The following CLMN variants were observed in gnomAD, a reference collection of about 807,000 sequenced individuals.
CLMN encodes calmin.
A neutral mutation model predicts 92.7 loss-of-function variants in CLMN; 57 were observed. The observed-to-expected ratio is 0.61, with a 90% confidence interval of 0.50 to 0.77. The LOEUF is 0.77. Ranked by LOEUF, CLMN falls within the 30% of genes least tolerant of loss-of-function variation. CLMN has a pLI of 0.00. For synonymous variants in CLMN, 466 were observed against 470.6 expected (o/e 0.99, Z 0.13); for missense variants, 1,158 against 1,237.5 (o/e 0.94, Z 0.96).
intron 1 of CLMN, among the ~76,000 whole-genome samples, chr14:95,312,214 T>C (rs1432117745): frequency 6.6e-6 from 1 of 152,166 alleles, no homozygotes; most frequent in Non-Finnish European, 1.5e-5. Flanking sequence ...AACCTCACCA[T>C]AACCCTATCC....
rs1444135118 is a variant in CLMN at position 95,204,146 on chromosome 14, T to C, written c.1203A>G (p.Pro401=). 1.2e-6 allele frequency: 2 copies of C among 1,614,068 alleles called. No homozygotes were observed. Among genetic ancestry groups the C allele is most frequent in the Admixed American group, 1.7e-5 (1 of 59,994 alleles). ...ATGATAAAATGGAGGATTCTGGAGATGGCTCACTGATGTCGCTGGTCTTAC... is the reference window on the plus strand; with the variant it reads ...ATGATAAAATGGAGGATTCTGGAGACGGCTCACTGATGTCGCTGGTCTTAC... The part of the protein sequence containing the change: ...GPGKTSDISE[P]SPESSILSSR... Residue 401 remains proline (P), a synonymous_variant, in exon 9 of 13, where the codon CCA becomes CCG. Transcript: ENST00000298912.
chr14:95,263,706 T>A (rs1381494852), intron 1 of CLMN, among the ~76,000 whole-genome samples: 1 of 152,186 alleles, frequency 6.6e-6, no homozygotes, highest in Non-Finnish European at 1.5e-5. Context: ...GCCAAAGAGA[T>A]GAGGTGGGGG....
intron 1 of CLMN, among the ~76,000 whole-genome samples, chr14:95,277,747 C>T (rs1415156942): frequency 6.6e-6 from 1 of 152,238 alleles, no homozygotes; most frequent in African/African-American, 2.4e-5. Flanking sequence ...CCTGTCTCAG[C>T]CTCCAGAGTA....
chr14:95,228,820 ATG>A (rs1897792672), intron 2 of CLMN, among the ~76,000 whole-genome samples: 3 of 152,168 alleles, frequency 2.0e-5, no homozygotes, highest in Non-Finnish European at 4.4e-5. Context: ...GACTACGGGC[ATG>A]AGCCACCACG....
intron 9 of CLMN, among the ~76,000 whole-genome samples, chr14:95,199,605 T>G (rs1045818416): frequency 6.6e-6 from 1 of 152,124 alleles, no homozygotes; most frequent in African/African-American, 2.4e-5. Context: ...CAAAGATCAA[T>G]ACACAAATGT....
intron 1 of CLMN, among the ~76,000 whole-genome samples, chr14:95,243,461 C>T (rs1898336369): frequency 6.6e-6 from 1 of 152,168 alleles, no homozygotes; most frequent in African/African-American, 2.4e-5. Context: ...TTTGGGCAAC[C>T]ATGCTTTTAA....
intron 1 of CLMN, among the ~76,000 whole-genome samples, chr14:95,263,654 C>A (rs1899350771): frequency 6.6e-6 from 1 of 152,192 alleles, no homozygotes; most frequent in Non-Finnish European, 1.5e-5. Flanking sequence ...CTGGATGTTC[C>A]AGCTGGAAGG....
intron 1 of CLMN, 62 bp downstream of exon 1, chr14:95,319,649 G>T (rs1901957475): frequency 7.3e-7 from 1 of 1,378,290 alleles, no homozygotes; most frequent in Non-Finnish European, 9.9e-7. Context: ...GCCAAGTGTC[G>T]GAGCGGCGCC....
At chr14:95,216,697 T>C (rs1281624514) in intron 4 of CLMN, among the ~76,000 whole-genome samples, 1 of 152,234 alleles carries the variant, frequency 6.6e-6, no homozygotes, top group Non-Finnish European at 1.5e-5. Flanking sequence ...AAGATCCCAC[T>C]GATTAGTTAA....
chr14:95,208,244 C>T (rs1299407584), intron 8 of CLMN, among the ~76,000 whole-genome samples: 1 of 152,180 alleles, frequency 6.6e-6, no homozygotes, highest in African/African-American at 2.4e-5. Flanking sequence ...GGACCTCAGC[C>T]ATCTAGTTTA....
At chr14:95,222,442 A>G in intron 3 of CLMN, 1 of 395,998 alleles carries the variant, frequency 2.5e-6, no homozygotes, top group Non-Finnish European at 5.1e-6. Context: ...AGGTTGGGGG[A>G]AGATGGCATT....
At chr14:95,267,812 T>C (rs1174843332) in intron 1 of CLMN, among the ~76,000 whole-genome samples, 2 of 152,324 alleles carry the variant, frequency 1.3e-5, no homozygotes, top group South Asian at 4.1e-4. Context: ...AAATGTGCTA[T>C]ATATACACAC....
At position 95,215,647 on chromosome 14, in the gene CLMN, GA is replaced by G; in HGVS notation, c.410del (p.Phe137SerfsTer47). The G allele has an allele frequency of 6.2e-7, 1 of 1,613,054 alleles. No homozygotes were observed. Among genetic ancestry groups the G allele is most frequent in the East Asian group, 2.2e-5 (1 of 44,884 alleles). On this transcript the variant is annotated frameshift_variant, in exon 5 of 13. Transcript: ENST00000298912. LOFTEE classifies it high-confidence loss of function. ...GGAAAAGAAATGATCTTACCTGGAAGAAGAGGATTATGTTCCATATCAGCCC... is the reference window on the plus strand; with the variant it reads ...GGAAAAGAAATGATCTTACCTGGAAGAGAGGATTATGTTCCATATCAGCCC... ...VLGLIWNIIL[F>X]FQIKELTGNL... is the part of the protein sequence containing the mutation.
chr14:95,207,643 A>G (rs79939221), intron 8 of CLMN, among the ~76,000 whole-genome samples: 6,729 of 152,304 alleles, frequency 0.044, 208 homozygotes, highest in Middle Eastern at 0.092. Flanking sequence ...ATAGATACAC[A>G]TTCAATATAG....
At chr14:95,257,172 C>A (rs1250090415) in intron 1 of CLMN, among the ~76,000 whole-genome samples, 1 of 152,112 alleles carries the variant, frequency 6.6e-6, no homozygotes, top group Non-Finnish European at 1.5e-5. Flanking sequence ...GACGTTTGCA[C>A]GAGTTAAGTC....
At chr14:95,316,327 G>A (rs771161495) in intron 1 of CLMN, among the ~76,000 whole-genome samples, 1 of 152,262 alleles carries the variant, frequency 6.6e-6, no homozygotes, top group Non-Finnish European at 1.5e-5. Context: ...GGGACCCTGT[G>A]AGGGTGGCAC....
chr14:95,248,446 C>T (rs1048838561), intron 1 of CLMN, among the ~76,000 whole-genome samples: 6 of 152,142 alleles, frequency 3.9e-5, no homozygotes, highest in Non-Finnish European at 8.8e-5. Context: ...GAAATGAGAG[C>T]GAGGTTTGAA....
intron 1 of CLMN, among the ~76,000 whole-genome samples, chr14:95,238,682 G>A (rs747471756): frequency 1.3e-5 from 2 of 152,094 alleles, no homozygotes; most frequent in Non-Finnish European, 2.9e-5. Flanking sequence ...AGGCACAGAC[G>A]GGCATCAGGG....
intron 4 of CLMN, among the ~76,000 whole-genome samples, chr14:95,220,262 C>T (rs1181248789): frequency 6.9e-6 from 1 of 144,606 alleles, no homozygotes; most frequent in Non-Finnish European, 1.5e-5. Context: ...CTGAAACGTC[C>T]GCCTCCAGGG....
Sources: gnomAD v4.1 joint callset for allele counts (sites outside exome capture counted in the v4.1 genomes callset) on GRCh38, gnomAD v4.1.1 for gene constraint, MANE v1.5 for transcripts, NCBI Gene and HGNC (gene_info 2026-07-23, HGNC 2026-07-21) for gene names.